CEP97: variants seen among roughly 807,000 people sequenced by gnomAD.
CEP97 encodes centrosomal protein 97, also known as centrosomal protein of 97 kDa.
CEP97 carries 43 observed loss-of-function variants against 73.1 expected under a neutral mutation model. The observed-to-expected ratio is 0.59, with a 90% confidence interval of 0.46 to 0.76. The LOEUF is 0.76. CEP97 is among the 30% of genes least tolerant of loss of function. The pLI is 0.00. For synonymous variants in CEP97, 337 were observed against 370.0 expected, an observed-to-expected ratio of 0.91 and a Z score of 1.02; for missense variants, 939 against 1,014.0, an observed-to-expected ratio of 0.93 and a Z score of 1.00.
chr3:101,726,594 G>C lies in CEP97; in HGVS notation c.44G>C (p.Gly15Ala), dbSNP rs779666958. The change falls in exon 2 of 11, where the codon GGA (glycine) becomes GCA (alanine). Residue 15 changes from glycine (G) to alanine (A), a missense_variant and splice_region_variant. Physicochemically the swap from Gly to Ala is moderately conservative, Grantham distance 60. Coordinates refer to ENST00000341893, the MANE Select transcript of CEP97 (RefSeq NM_024548.4). ...RVDAALPPGE[G>A]SVVNWSGQGL... ...TCTAACATTTCCGTTTCTTTTCAAG[G>C]ATCAGTGGTCAATTGGTCAGGACAG... The C allele has an allele frequency of 1.9e-6, 3 of 1,577,154 alleles. No homozygotes were observed. The East Asian group carries it at 6.9e-5, about 36-fold the overall frequency.
intron 10 of CEP97, chr3:101,762,982 C>T (rs772460168): frequency 2.2e-6 from 2 of 917,358 alleles, no homozygotes; most frequent in Non-Finnish European, 2.8e-6. Flanking sequence ...TATTTGAATC[C>T]TATAATAGCA....
At chr3:101,754,990 C>T (rs1938963587) in intron 6 of CEP97, among the ~76,000 whole-genome samples, 1 of 151,114 alleles carries the variant, frequency 6.6e-6, no homozygotes, top group Non-Finnish European at 1.5e-5. Context: ...ACACACCTGA[C>T]CTCAAGTGAT....
chr3:101,742,035 C>A, intron 6 of CEP97, among the ~76,000 whole-genome samples: 1 of 145,780 alleles, frequency 6.9e-6, no homozygotes. Flanking sequence ...GAGTGAGACT[C>A]CGTCTCAAAA....
rs967971790 is a variant in CEP97 at position 101,765,788 on chromosome 3, C to T, written c.*237C>T. 1.8e-5 allele frequency: 7 copies of T among 382,994 alleles called. No homozygotes were observed. Among genetic ancestry groups the T allele is most frequent in the Admixed American group, 4.3e-5 (1 of 23,472 alleles). The allele number at this position is 382,994 out of a possible 1,614,324, so 23.7% of individuals were successfully genotyped here. A position where few individuals can be genotyped will look rare whatever the true frequency, so the allele number is the denominator to read the frequency against. ...AACTATTTATATTGAAAGCTATATGCACTTTATTTCTTAACTGAATTGCAT... is the reference window on the plus strand; with the variant it reads ...AACTATTTATATTGAAAGCTATATGTACTTTATTTCTTAACTGAATTGCAT... On this transcript the variant is annotated 3_prime_UTR_variant, in exon 11 of 11. Transcript: ENST00000341893.
At position 101,727,352 on chromosome 3, in the gene CEP97, C is replaced by G. The variant is rs1416751816; in HGVS notation, c.187-31C>G. 3 of 1,556,198 alleles carry G rather than the reference C, an allele frequency of 1.9e-6. No individual in the cohort carries two copies. The African/African-American group carries it at 4.3e-5, about 22-fold the overall frequency. ...GTGAAATATTTTATATATGTTATTC[C>G]TAAAAATAACAATATGTTTCCTTTT... On this transcript the variant is annotated intron_variant, in intron 2 of 10. Transcript: ENST00000341893.
chr3:101,763,780 T>C (rs1939233666), intron 10 of CEP97, among the ~76,000 whole-genome samples: 1 of 152,222 alleles, frequency 6.6e-6, no homozygotes, highest in Non-Finnish European at 1.5e-5. Flanking sequence ...CTGTAATCTC[T>C]ACCTGGGTAT....
chr3:101,741,662 C>A (rs1938458509), intron 6 of CEP97, among the ~76,000 whole-genome samples: 1 of 152,158 alleles, frequency 6.6e-6, no homozygotes, highest in Admixed American at 6.5e-5. Context: ...TGAAAAAAAG[C>A]TCATCATCAC....
chr3:101,737,116 A>G (rs947921576), intron 6 of CEP97, among the ~76,000 whole-genome samples: 4 of 152,250 alleles, frequency 2.6e-5, no homozygotes, highest in African/African-American at 9.6e-5. Flanking sequence ...ACTTAATGAA[A>G]TAAACTGTGA....
At chr3:101,735,255 A>C (rs1462042896) in intron 6 of CEP97, among the ~76,000 whole-genome samples, 1 of 152,204 alleles carries the variant, frequency 6.6e-6, no homozygotes, top group African/African-American at 2.4e-5. Context: ...TTTAAGGTGA[A>C]TTTGAATATT....
intron 6 of CEP97, among the ~76,000 whole-genome samples, chr3:101,750,725 G>A (rs1263264195): frequency 6.6e-6 from 1 of 152,102 alleles, no homozygotes; most frequent in African/African-American, 2.4e-5. Context: ...ATTCTCTGAT[G>A]GTAGTTTGTA....
At chr3:101,754,527 A>C (rs1056401873) in intron 6 of CEP97, among the ~76,000 whole-genome samples, 3 of 152,124 alleles carry the variant, frequency 2.0e-5, no homozygotes, top group African/African-American at 4.8e-5. Flanking sequence ...GTATATTATT[A>C]TGGCATACTC....
intron 10 of CEP97, 126 bp downstream of exon 10, chr3:101,762,686 T>C: frequency 1.7e-6 from 1 of 593,328 alleles, no homozygotes; most frequent in East Asian, 3.2e-5. Flanking sequence ...TGGCTTGTGT[T>C]CTTCGCCACT....
chr3:101,734,252 T>C (rs1258384785), intron 6 of CEP97, among the ~76,000 whole-genome samples: 2 of 152,176 alleles, frequency 1.3e-5, no homozygotes, highest in African/African-American at 2.4e-5. Context: ...CCCTGATACC[T>C]GATCAGTGGA....
chr3:101,747,620 G>A (rs566435406), intron 6 of CEP97, among the ~76,000 whole-genome samples: 19 of 150,200 alleles, frequency 1.3e-4, no homozygotes, highest in Admixed American at 4.6e-4. Context: ...GCAGTGGTGC[G>A]ATCTCGGCTC....
intron 6 of CEP97, among the ~76,000 whole-genome samples, chr3:101,742,508 A>G (rs1205745324): frequency 1.3e-5 from 2 of 151,760 alleles, no homozygotes; most frequent in Non-Finnish European, 2.9e-5. Flanking sequence ...AAACACCTGC[A>G]TGTTCTCACT....
At position 101,766,273 on chromosome 3, in the gene CEP97, G is replaced by GA. The variant is rs1246487474; in HGVS notation, c.*724dup. 1.3e-5 allele frequency: 2 copies of GA among 152,306 alleles called. No homozygotes were observed. The highest frequency in any genetic ancestry group is 4.8e-5 in the African/African-American group (2 of 41,454). The allele number at this position is 152,306 out of a possible 1,614,324, so 9.4% of individuals were successfully genotyped here. A position where few individuals can be genotyped will look rare whatever the true frequency, so the allele number is the denominator to read the frequency against. On this transcript the variant is annotated 3_prime_UTR_variant, in exon 11 of 11. Transcript: ENST00000341893. ...ACACAAGAATATTTCACTTAGATAT[G>GA]AAGAAAGGAAACACTAGTCTCCATT...
rs1050835283 is a variant in CEP97, at chr3:101,766,044, G to T, written c.*493G>T. 3 of 152,138 alleles carry T rather than the reference G, an allele frequency of 2.0e-5. No homozygotes were observed. Among genetic ancestry groups the T allele is most frequent in the Admixed American group, 1.3e-4 (2 of 15,262 alleles). 9.4% of individuals were successfully genotyped at this position (152,138 alleles called of 1,614,324 possible). A position where few individuals can be genotyped will look rare whatever the true frequency, so the allele number is the denominator to read the frequency against. On this transcript the variant is annotated 3_prime_UTR_variant, in exon 11 of 11. Coordinates refer to ENST00000341893, the MANE Select transcript of CEP97 (RefSeq NM_024548.4). ...TTTGCCAGTCTCCCTGGTGTAAAAT[G>T]TTTTTTTAAAGCCTTTTTTCCTCCT...
At chr3:101,737,297 A>C (rs1938308559) in intron 6 of CEP97, among the ~76,000 whole-genome samples, 1 of 152,220 alleles carries the variant, frequency 6.6e-6, no homozygotes, top group African/African-American at 2.4e-5. Context: ...GAACGTCCCC[A>C]ACCTAGCAAG....
chr3:101,761,718 G>T (rs1431557702), intron 9 of CEP97, among the ~76,000 whole-genome samples: 2 of 152,122 alleles, frequency 1.3e-5, no homozygotes, highest in African/African-American at 4.8e-5. Flanking sequence ...ATATAAGGGA[G>T]TTTGCTAATT....
Sources: allele counts gnomAD v4.1 joint callset (sites outside exome capture counted in the v4.1 genomes callset), GRCh38; gene constraint gnomAD v4.1.1; transcripts MANE v1.5; gene names NCBI Gene and HGNC (gene_info 2026-07-23, HGNC 2026-07-21).